The following ADCY5 variants were observed in gnomAD, a reference collection of about 807,000 sequenced individuals.
ADCY5 encodes the protein adenylate cyclase type 5.
In ADCY5, 30 loss-of-function variants were observed where a neutral mutation model predicts 119.7. The ratio of observed to expected loss-of-function variants is 0.25; its 90% CI spans 0.19 to 0.34. ADCY5 has a LOEUF of 0.34. ADCY5 is among the 10% of genes least tolerant of loss of function. The pLI is 1.00. For synonymous variants in ADCY5, 753 were observed against 762.2 expected (o/e 0.99, Z 0.20); for missense variants, 1,324 against 1,775.2 (o/e 0.75, Z 4.57).
At position 123,332,602 on chromosome 3, in the gene ADCY5, G is replaced by T; in HGVS notation, c.1480C>A (p.Leu494Ile). 2 of 1,613,782 alleles carry T rather than the reference G, an allele frequency of 1.2e-6. No individual in the cohort carries two copies. The highest frequency in any genetic ancestry group is 1.7e-6 in the Non-Finnish European group (2 of 1,179,874). ...TCAAAGCGGGCGAAGAGCTCGTTGA[G>T]GGTCATGACCAGTTCCTGTGCAGTG... ...QCTAQELVMT[L>I]NELFARFDKL... Residue 494 changes from leucine (L) to isoleucine (I), a missense_variant, in exon 4 of 21, where the codon CTC becomes ATC. Leu to Ile is a conservative substitution (Grantham distance 5, BLOSUM62 2). This residue lies in a region of ADCY5 where 123 missense variants were observed against 287.9 expected (regional missense o/e 0.43). Coordinates refer to ENST00000462833, the MANE Select transcript of ADCY5 (RefSeq NM_183357.3).
At chr3:123,338,227 C>T (rs1371262986) in intron 3 of ADCY5, among the ~76,000 whole-genome samples, 2 of 152,222 alleles carry the variant, frequency 1.3e-5, no homozygotes, top group Non-Finnish European at 2.9e-5. Context: ...AGGAAAGAGC[C>T]ACTCAAAGCA....
chr3:123,304,704 ACTGAGTGAGCT>A (rs1490203172), intron 12 of ADCY5, among the ~76,000 whole-genome samples: 2 of 152,066 alleles, frequency 1.3e-5, no homozygotes, highest in Non-Finnish European at 2.9e-5. Context: ...GGCCCTGAGC[ACTGAGTGAGCT>A]CTATCCTTAG....
At chr3:123,330,414 T>C (rs542584916) in intron 5 of ADCY5, among the ~76,000 whole-genome samples, 7 of 152,326 alleles carry the variant, frequency 4.6e-5, no homozygotes, top group African/African-American at 1.4e-4. Context: ...AGGGTGATTC[T>C]CTCTAAGCGG....
intron 20 of ADCY5, among the ~76,000 whole-genome samples, chr3:123,285,276 C>T (rs931372537): frequency 6.6e-6 from 1 of 152,222 alleles, no homozygotes; most frequent in African/African-American, 2.4e-5. Flanking sequence ...CTCAGAGCAT[C>T]TAAGTCACGA....
At chr3:123,383,493 G>C (rs907940422) in intron 1 of ADCY5, among the ~76,000 whole-genome samples, 1 of 152,194 alleles carries the variant, frequency 6.6e-6, no homozygotes, top group East Asian at 1.9e-4. Flanking sequence ...AAAATGTGAA[G>C]ATGCTCACAG....
At chr3:123,374,372 C>A (rs1457058274) in intron 1 of ADCY5, among the ~76,000 whole-genome samples, 1 of 152,158 alleles carries the variant, frequency 6.6e-6, no homozygotes, top group African/African-American at 2.4e-5. Context: ...CAATAAGGAG[C>A]CACTACAAGC....
chr3:123,431,270 A>G (rs970717717), intron 1 of ADCY5, among the ~76,000 whole-genome samples: 1 of 152,220 alleles, frequency 6.6e-6, no homozygotes, highest in African/African-American at 2.4e-5. Flanking sequence ...TATTAAGGCC[A>G]CAGGTGTTTA....
chr3:123,343,407 C>G (rs1164373186), intron 3 of ADCY5, among the ~76,000 whole-genome samples: 1 of 152,170 alleles, frequency 6.6e-6, no homozygotes, highest in African/African-American at 2.4e-5. Context: ...AACTGAGGCT[C>G]CGATTAGGTG....
At chr3:123,440,266 C>T (rs1020335024) in intron 1 of ADCY5, among the ~76,000 whole-genome samples, 9 of 152,166 alleles carry the variant, frequency 5.9e-5, no homozygotes, top group African/African-American at 2.2e-4. Context: ...GCCCAGGGAG[C>T]CCTGAAGGGG....
intron 3 of ADCY5, among the ~76,000 whole-genome samples, chr3:123,334,772 T>C (rs569640050): frequency 2.6e-5 from 4 of 152,274 alleles, no homozygotes; most frequent in Non-Finnish European, 5.9e-5. Context: ...AAATTAAATA[T>C]TGACAAATGA....
chr3:123,334,951 T>G (rs953009445), intron 3 of ADCY5, among the ~76,000 whole-genome samples: 1 of 152,206 alleles, frequency 6.6e-6, no homozygotes, highest in Admixed American at 6.5e-5. Context: ...TGTCTTTATA[T>G]TCCCATGCTT....
Position 123,430,321 on chromosome 3 carries a change from C to T in ADCY5, c.1134+17091G>A, listed in dbSNP as rs76188292. Among the ~76,000 whole-genome samples, 847 of 152,290 alleles carry T rather than the reference C, an allele frequency of 5.6e-3. 9 individuals carry two copies. The highest frequency in any genetic ancestry group is 0.02 in the African/African-American group (812 of 41,552). On this transcript the variant is annotated intron_variant, in intron 1 of 20. Coordinates refer to ENST00000462833, the MANE Select transcript of ADCY5 (RefSeq NM_183357.3). ...CTCACAGGGACAGGCCTCACCTAGA[C>T]ACCATCGCATCCTCCGATGTGGCTC...
intron 7 of ADCY5, among the ~76,000 whole-genome samples, chr3:123,326,204 G>A (rs1941475563): frequency 6.6e-6 from 1 of 152,240 alleles, no homozygotes; most frequent in African/African-American, 2.4e-5. Context: ...TTGGGTCAGT[G>A]AAGTTATGAG....
At chr3:123,290,554 A>C (rs1174353660) in intron 18 of ADCY5, among the ~76,000 whole-genome samples, 2 of 152,208 alleles carry the variant, frequency 1.3e-5, no homozygotes, top group African/African-American at 2.4e-5. Flanking sequence ...CTGCATCCCC[A>C]GTGCCTCCAC....
At chr3:123,447,224 C>G (rs371226924) in intron 1 of ADCY5, among the ~76,000 whole-genome samples, 188 bp downstream of exon 1, 1 of 152,210 alleles carries the variant, frequency 6.6e-6, no homozygotes, top group Admixed American at 6.5e-5. Flanking sequence ...CAAGGGCACT[C>G]TTTTTGTAAA....
At position 123,368,469 on chromosome 3, in the gene ADCY5, C is replaced by T. The variant is rs562905578; in HGVS notation, c.1135-15888G>A. Among the ~76,000 whole-genome samples, 13 of 152,322 alleles carry T rather than the reference C, an allele frequency of 8.5e-5. No homozygotes were observed. The East Asian group carries it at 2.1e-3, about 25-fold the overall frequency. Reference sequence around the variant, plus strand: ...AAAATTAGCTGGGCATGGCGGTGCGCACCTGTAATCCCAGCTACTTGGGAG... The same window carrying T: ...AAAATTAGCTGGGCATGGCGGTGCGTACCTGTAATCCCAGCTACTTGGGAG... On this transcript the variant is annotated intron_variant, in intron 1 of 20. Coordinates refer to ENST00000462833, the MANE Select transcript of ADCY5 (RefSeq NM_183357.3).
Position 123,289,811 on chromosome 3 carries a change from C to G in ADCY5, c.3471G>C (p.Lys1157Asn). Residue 1157 changes from lysine to asparagine, a missense_variant, in exon 19 of 21, where the codon AAG becomes AAC. Around this residue, in one of 6 missense-constraint regions of ADCY5, gnomAD observed 178 missense variants for 329.6 expected, o/e 0.54. Coordinates refer to ENST00000462833, the MANE Select transcript of ADCY5 (RefSeq NM_183357.3). The stretch of plus-strand genomic sequence containing the variant: ...TGATGTACTTCATCTGGTCCATCAG[C>G]TTCATGGCAAAGTCGGCCAGTGCCT... ...HIKALADFAM[K>N]LMDQMKYINE... 1 of 1,614,248 alleles carries G rather than the reference C, an allele frequency of 6.2e-7. No homozygotes were observed. The highest frequency in any genetic ancestry group is 1.7e-5 in the Admixed American group (1 of 60,026).
At chr3:123,319,407 C>G (rs1178718070) in intron 10 of ADCY5, among the ~76,000 whole-genome samples, 2 of 151,724 alleles carry the variant, frequency 1.3e-5, no homozygotes, top group Non-Finnish European at 2.9e-5. Flanking sequence ...TTCATCCTCA[C>G]TATGACCCTA....
intron 16 of ADCY5, chr3:123,296,958 C>G: frequency 6.5e-7 from 1 of 1,532,612 alleles, no homozygotes; most frequent in Non-Finnish European, 8.7e-7. Context: ...GGGACGGGTC[C>G]CACAAGCACT....
Sources: allele counts gnomAD v4.1 joint callset (sites outside exome capture counted in the v4.1 genomes callset), GRCh38; gene constraint gnomAD v4.1.1; regional missense constraint gnomAD v4.1.1; transcripts MANE v1.5; gene names NCBI Gene and HGNC (gene_info 2026-07-23, HGNC 2026-07-21).